The following SEC22B variants were observed in gnomAD, a reference collection of about 807,000 sequenced individuals.
The protein encoded by SEC22B is SEC22 homolog B, vesicle trafficking protein.
A neutral mutation model predicts 31.4 loss-of-function variants in SEC22B; 10 were observed. The observed-to-expected ratio is 0.32, with a 90% CI of 0.20 to 0.54. SEC22B has a LOEUF of 0.54. Ranked by LOEUF, SEC22B falls within the 20% of genes least tolerant of loss-of-function variation. SEC22B has a pLI of 0.94. For synonymous variants in SEC22B, 60 were observed against 95.9 expected (o/e 0.63, Z 2.19); for missense variants, 130 against 263.4 (o/e 0.49, Z 3.50).
At chr1:120,169,888 A>T (rs1657868266) in intron 1 of SEC22B, among the ~76,000 whole-genome samples, 1 of 148,336 alleles carries the variant, frequency 6.7e-6, no homozygotes, top group Admixed American at 6.8e-5. Context: ...TTCATGTTGA[A>T]ATCCTAACCC....
rs1657576669 is a variant in SEC22B at position 120,153,301 on chromosome 1, A to G, written c.*3737T>C. 6.6e-6 allele frequency: 1 copy of G among 150,558 alleles called. No individual in the cohort carries two copies. Among genetic ancestry groups the G allele is most frequent in the Admixed American group, 6.6e-5 (1 of 15,212 alleles). The allele number at this position is 150,558 out of a possible 1,614,324, so 9.3% of individuals were successfully genotyped here. ...AAAACCCACCAGGTAGGAGTCAGTT[A>G]GTTCTGCTAACTAACTAACCAAAAA... On this transcript the variant is annotated 3_prime_UTR_variant, in exon 5 of 5. Transcript: ENST00000578049.
rs1570864559 is a variant in SEC22B at position 120,156,730 on chromosome 1, C to T, written c.*308G>A. ...ATGGCTCCATCAGAGAATGAGAATG[C>T]CCCAGCCAGTGCTGTTTTTAAAATG... On this transcript the variant is annotated 3_prime_UTR_variant, in exon 5 of 5. Transcript: ENST00000578049. The T allele has an allele frequency of 1.9e-5, 4 of 206,848 alleles. No individual in the cohort carries two copies. Among genetic ancestry groups the T allele is most frequent in the East Asian group, 1.0e-4 (1 of 9,762 alleles). The allele number at this position is 206,848 out of a possible 1,614,324, so 12.8% of individuals were successfully genotyped here.
Position 120,155,173 on chromosome 1 carries a change from ATTAACT to A in SEC22B, c.*1859_*1864del, listed in dbSNP as rs1280079907. 1.3e-5 allele frequency: 2 copies of A among 152,120 alleles called. No individual in the cohort carries two copies. The highest frequency in any genetic ancestry group is 4.8e-5 in the African/African-American group (2 of 41,446). 9.4% of individuals were successfully genotyped at this position (152,120 alleles called of 1,614,324 possible). On this transcript the variant is annotated 3_prime_UTR_variant, in exon 5 of 5. Transcript: ENST00000578049. The stretch of plus-strand genomic sequence containing the variant: ...ATCTACAAAGGATATATGTATATAA[ATTAACT>A]AGATAACAAAACTTCACACTGAAGT...
intron 1 of SEC22B, among the ~76,000 whole-genome samples, chr1:120,175,932 G>C (rs1657953560): frequency 6.6e-6 from 1 of 152,136 alleles, no homozygotes; most frequent in South Asian, 2.1e-4. Flanking sequence ...TAGACTTGAA[G>C]AACTTGGCTG....
At chr1:120,171,171 G>T (rs1369041060) in intron 1 of SEC22B, among the ~76,000 whole-genome samples, 6 of 132,074 alleles carry the variant, frequency 4.5e-5, no homozygotes, top group African/African-American at 1.9e-4. Context: ...TCGGAGGTGG[G>T]GCTGTGATAT....
chr1:120,165,328 T>C (rs1364393956), intron 2 of SEC22B, among the ~76,000 whole-genome samples: 1 of 152,176 alleles, frequency 6.6e-6, no homozygotes, highest in African/African-American at 2.4e-5. Context: ...AGGAGAACTC[T>C]GTAATCAACT....
chr1:120,166,118 A>G (rs1657802515), intron 2 of SEC22B, among the ~76,000 whole-genome samples: 1 of 149,396 alleles, frequency 6.7e-6, no homozygotes, highest in African/African-American at 2.6e-5. Flanking sequence ...AATGTCTATT[A>G]AAAAGACAAA....
intron 3 of SEC22B, among the ~76,000 whole-genome samples, chr1:120,161,697 T>C (rs1657720384): frequency 6.6e-6 from 1 of 151,876 alleles, no homozygotes; most frequent in African/African-American, 2.4e-5. Flanking sequence ...AGACTCTGTC[T>C]CTAAGTAAAT....
intron 2 of SEC22B, among the ~76,000 whole-genome samples, chr1:120,164,291 C>A (rs1428728801): frequency 6.9e-6 from 1 of 145,550 alleles, no homozygotes; most frequent in African/African-American, 2.6e-5. Flanking sequence ...ACATTTTAAA[C>A]TTTTATTTTA....
chr1:120,167,841 T>C (rs1384906469), intron 2 of SEC22B, among the ~76,000 whole-genome samples: 1 of 152,176 alleles, frequency 6.6e-6, no homozygotes. Context: ...TCCTAGGTCT[T>C]GGTTCTCTAA....
chr1:120,166,429 A>C (rs1331503625), intron 2 of SEC22B, among the ~76,000 whole-genome samples: 3 of 150,826 alleles, frequency 2.0e-5, no homozygotes, highest in African/African-American at 7.4e-5. Flanking sequence ...ACACACACAC[A>C]CCATGGAATA....
intron 2 of SEC22B, among the ~76,000 whole-genome samples, chr1:120,166,667 A>T (rs2101130394): frequency 6.7e-6 from 1 of 149,514 alleles, no homozygotes; most frequent in African/African-American, 2.5e-5. Flanking sequence ...GGCAGAGGCA[A>T]GTTAATGGAT....
intron 4 of SEC22B, 25 bp from the exon 5 acceptor site, chr1:120,157,217 C>T (rs1444231174): frequency 2.2e-6 from 3 of 1,346,926 alleles, no homozygotes; most frequent in Non-Finnish European, 3.0e-6. Flanking sequence ...AAAAGGAAAA[C>T]ATTAATTAGT....
At chr1:120,163,395 A>C (rs1195880728) in intron 2 of SEC22B, 25 bp from the exon 3 acceptor site, 9 of 1,473,646 alleles carry the variant, frequency 6.1e-6, no homozygotes, top group Non-Finnish European at 7.3e-6. Flanking sequence ...AAAGCAAGAC[A>C]AAGTTATCTG....
intron 2 of SEC22B, among the ~76,000 whole-genome samples, chr1:120,166,176 A>G (rs1254469642): frequency 1.3e-4 from 19 of 141,458 alleles, no homozygotes; most frequent in Non-Finnish European, 2.5e-4. Flanking sequence ...ACTTTTATAC[A>G]CTATAGAAAA....
At chr1:120,167,337 C>T (rs1278223913) in intron 2 of SEC22B, among the ~76,000 whole-genome samples, 24 of 151,980 alleles carry the variant, frequency 1.6e-4, no homozygotes, top group South Asian at 6.2e-4. Context: ...AACCAAATGG[C>T]GGACTGTTCT....
intron 2 of SEC22B, among the ~76,000 whole-genome samples, chr1:120,168,107 T>C (rs1657841314): frequency 6.6e-6 from 1 of 151,974 alleles, no homozygotes; most frequent in Non-Finnish European, 1.5e-5. Context: ...CTAAGTTATC[T>C]TACTATCTAA....
intron 2 of SEC22B, among the ~76,000 whole-genome samples, chr1:120,164,094 G>C (rs1657767002): frequency 1.3e-5 from 2 of 149,136 alleles, no homozygotes; most frequent in East Asian, 3.9e-4. Flanking sequence ...CAAATAGCTG[G>C]GATTACAGAC....
intron 1 of SEC22B, among the ~76,000 whole-genome samples, chr1:120,175,999 C>A (rs1657954793): frequency 2.0e-5 from 3 of 152,146 alleles, no homozygotes; most frequent in African/African-American, 7.2e-5. Context: ...AATTAGAAAT[C>A]CTGAATTTTA....
Sources: allele counts gnomAD v4.1 joint callset (sites outside exome capture counted in the v4.1 genomes callset), GRCh38; gene constraint gnomAD v4.1.1; transcripts MANE v1.5; gene names NCBI Gene and HGNC (gene_info 2026-07-23, HGNC 2026-07-21).